The following PFKP variants were observed in gnomAD, a reference collection of about 807,000 sequenced individuals.
PFKP encodes the protein phosphofructokinase, platelet.
In PFKP, 101 loss-of-function variants were observed where a neutral mutation model predicts 94.3. That is an observed-to-expected ratio of 1.07 (90% CI 0.91 to 1.26). The LOEUF (loss-of-function observed/expected upper bound fraction) is 1.26, where lower values mean the gene tolerates loss of function less well. Ranked by LOEUF, PFKP falls within the 50% of genes most tolerant of loss-of-function variation. The probability of loss-of-function intolerance (pLI) is 0.00; values close to 1 mark genes in which losing one functional copy is unlikely to be tolerated. For missense variants in PFKP, 1,145 were observed against 1,103.3 expected (o/e 1.04, Z -0.53); for synonymous variants, 573 against 432.6 (o/e 1.32, Z -4.03).
rs76037946 is a variant in PFKP at position 3,091,414 on chromosome 10, G to A, written c.187-7861G>A. Among the ~76,000 whole-genome samples, 89 of 152,170 alleles carry A rather than the reference G, an allele frequency of 5.8e-4. 1 individual carries two copies. The East Asian group carries it at 0.01, about 18-fold the overall frequency. On this transcript the variant is annotated intron_variant, in intron 2 of 21. Transcript: ENST00000381125. ...GCCACTGTGTCTGCAGGAAACAGTC[G>A]GCTCCTTGCATTTGGTTTCATTCAT...
chr10:3,077,261 C>T (rs139328433), intron 1 of PFKP, among the ~76,000 whole-genome samples: 3,315 of 84,178 alleles, frequency 0.039, 62 homozygotes, highest in South Asian at 0.065. Context: ...TTTTTTTTTT[C>T]TTTTTTTTTT....
intron 14 of PFKP, among the ~76,000 whole-genome samples, chr10:3,118,450 AAGTG>A (rs1259716818): frequency 6.6e-6 from 1 of 150,898 alleles, no homozygotes; most frequent in Non-Finnish European, 1.5e-5. Flanking sequence ...CCTGGTAACA[AAGTG>A]AGACTCCATC....
chr10:3,115,458 T>A lies in PFKP; in HGVS notation c.1372-1318T>A, dbSNP rs796557299. ...AGGACTGGGGATGCCGGGGTGAAGG[T>A]GTGTGTCCCGCCATGGAGGACAGGA... On this transcript the variant is annotated intron_variant, in intron 13 of 21. Coordinates refer to ENST00000381125, the MANE Select transcript of PFKP (RefSeq NM_002627.5). Among the ~76,000 whole-genome samples, 72 of 13,878 alleles carry A rather than the reference T, an allele frequency of 5.2e-3. 14 individuals carry two copies. The highest frequency in any genetic ancestry group is 0.031 in the East Asian group (3 of 98). 9.1% of individuals were successfully genotyped at this position (13,878 alleles called of 152,430 possible).
chr10:3,084,406 A>G (rs1399271550), intron 2 of PFKP, among the ~76,000 whole-genome samples: 2 of 151,896 alleles, frequency 1.3e-5, no homozygotes, highest in Non-Finnish European at 2.9e-5. Flanking sequence ...CTGTGTATCC[A>G]TTTGTTTATC....
intron 1 of PFKP, among the ~76,000 whole-genome samples, chr10:3,073,333 T>G (rs1403650781): frequency 1.3e-5 from 2 of 151,812 alleles, no homozygotes; most frequent in African/African-American, 2.4e-5. Context: ...GTGAAAGTGT[T>G]CAGGAGGAAA....
At chr10:3,077,261 CTTTTTTTTT>C (rs34485324) in intron 1 of PFKP, among the ~76,000 whole-genome samples, 1 of 84,238 alleles carries the variant, frequency 1.2e-5, no homozygotes, top group African/African-American at 5.1e-5. Context: ...TTTTTTTTTT[CTTTTTTTTT>C]TTTTTTTTTT....
At chr10:3,119,764 G>GGTCGCCGTATCATTAAAAAAAAAAACCC in intron 15 of PFKP, 128 bp from the exon 16 acceptor site, 1 of 657,914 alleles carries the variant, frequency 1.5e-6, no homozygotes, top group Non-Finnish European at 2.6e-6. Context: ...TGATCTCGGA[G>GGTCGCCGTATCATTAAAAAAAAAAACCC]TGTTTTCGTG....
At chr10:3,096,197 G>T (rs115472315) in intron 2 of PFKP, among the ~76,000 whole-genome samples, 2 of 152,108 alleles carry the variant, frequency 1.3e-5, no homozygotes, top group African/African-American at 4.8e-5. Context: ...GCTGGGTGGC[G>T]GTTGACTTGG....
chr10:3,125,222 C>T lies in PFKP; in HGVS notation c.1684-4597C>T, dbSNP rs111526922. On this transcript the variant is annotated intron_variant, in intron 16 of 21. Transcript: ENST00000381125. ...CAGGCACAGAAATAAGCCTGGGCTC[C>T]GACACTGGCCTGAATGCTGTTGTTG... 1.7e-4 allele frequency: 225 copies of T among 1,341,194 alleles called. No homozygotes were observed. The African/African-American group carries it at 2.8e-3, about 17-fold the overall frequency. The allele number at this position is 1,341,194 out of a possible 1,614,324, so 83.1% of individuals were successfully genotyped here. A position where few individuals can be genotyped will look rare whatever the true frequency, so the allele number is the denominator to read the frequency against.
At chr10:3,074,767 C>CA (rs1322703135) in intron 1 of PFKP, among the ~76,000 whole-genome samples, 1 of 152,066 alleles carries the variant, frequency 6.6e-6, no homozygotes, top group Non-Finnish European at 1.5e-5. Context: ...GGAAAACCAG[C>CA]AAAAAACTAT....
At chr10:3,102,135 C>T (rs1168538068) in intron 4 of PFKP, among the ~76,000 whole-genome samples, 2 of 147,756 alleles carry the variant, frequency 1.4e-5, no homozygotes, top group African/African-American at 4.9e-5. Context: ...CCTGTAGTCC[C>T]AGCTACTTGG....
chr10:3,082,591 C>T (rs886931354), intron 2 of PFKP, 130 bp downstream of exon 2: 2 of 532,824 alleles, frequency 3.8e-6, no homozygotes, highest in Non-Finnish European at 6.4e-6. Context: ...GGAGCAAGAT[C>T]CTGCCAGCCA....
At chr10:3,125,068 C>A in intron 16 of PFKP, 1 of 1,210,182 alleles carries the variant, frequency 8.3e-7, no homozygotes, top group South Asian at 1.6e-5. Context: ...CCCGGCACCC[C>A]CGCTAACCGC....
chr10:3,117,967 A>G (rs1837001293), intron 14 of PFKP, among the ~76,000 whole-genome samples: 1 of 152,134 alleles, frequency 6.6e-6, no homozygotes, highest in African/African-American at 2.4e-5. Context: ...GAGTACAAGT[A>G]CTTCACTTCT....
chr10:3,117,863 G>A (rs1056644900), intron 14 of PFKP, among the ~76,000 whole-genome samples: 1 of 152,194 alleles, frequency 6.6e-6, no homozygotes, highest in Non-Finnish European at 1.5e-5. Context: ...CACCTTAGGG[G>A]CCAGCACAGG....
At position 3,079,657 on chromosome 10, in the gene PFKP, C is replaced by CGGGG. The variant is rs1456588977; in HGVS notation, c.113-2730_113-2727dup. ...CGGTGGGAACGAGGTCTTCAGAGAG[C>CGGGG]GGGGTGGGGGGGGGGGGAAGAGGAG... On this transcript the variant is annotated intron_variant, in intron 1 of 21. Transcript: ENST00000381125. 2.7e-3 allele frequency among the ~76,000 whole-genome samples: 21 copies of CGGGG among 7,766 alleles called. 1 individual carries two copies. The highest frequency in any genetic ancestry group is 3.9e-3 in the East Asian group (2 of 508). 5.1% of individuals were successfully genotyped at this position (7,766 alleles called of 152,430 possible).
At position 3,101,360 on chromosome 10, in the gene PFKP, C is replaced by G. The variant is rs1216491896; in HGVS notation, c.265-5C>G. 2 of 1,574,734 alleles carry G rather than the reference C, an allele frequency of 1.3e-6. No homozygotes were observed. The highest frequency in any genetic ancestry group is 2.3e-5 in the East Asian group (1 of 42,762). ...AGGAGATAAATTAGCTGGTGTCTTT[C>G]CCAGGGCGGGACGATCATTGGCAGT... On this transcript the variant is annotated splice_polypyrimidine_tract_variant and splice_region_variant and intron_variant, in intron 3 of 21. Transcript: ENST00000381125.
intron 16 of PFKP, among the ~76,000 whole-genome samples, chr10:3,125,976 C>T (rs1223126963): frequency 1.3e-5 from 2 of 152,178 alleles, no homozygotes; most frequent in Non-Finnish European, 2.9e-5. Context: ...TGCGAGGGAC[C>T]CACAGCAAAG....
intron 2 of PFKP, among the ~76,000 whole-genome samples, chr10:3,093,745 G>C (rs771491257): frequency 7.0e-6 from 1 of 142,012 alleles, no homozygotes; most frequent in East Asian, 2.1e-4. Flanking sequence ...CCAGGTTCAC[G>C]CCATTCTCCC....
Sources: gnomAD v4.1 joint callset for allele counts (sites outside exome capture counted in the v4.1 genomes callset) on GRCh38, gnomAD v4.1.1 for gene constraint, MANE v1.5 for transcripts, NCBI Gene and HGNC (gene_info 2026-07-23, HGNC 2026-07-21) for gene names.